HESX1: variants seen among roughly 807,000 people sequenced by gnomAD.
HESX1 encodes the protein HESX homeobox 1.
Under a neutral mutation model 22.5 loss-of-function variants are expected in HESX1, and 11 were observed. That is an observed-to-expected ratio of 0.49 (90% CI 0.31 to 0.81). The LOEUF (loss-of-function observed/expected upper bound fraction) is 0.81. HESX1 is among the 30% of genes least tolerant of loss of function. The pLI, the probability that HESX1 is intolerant of heterozygous loss-of-function variation, is 0.05. For synonymous variants in HESX1, 74 were observed against 76.5 expected, an observed-to-expected ratio of 0.97 and a Z score of 0.17; for missense variants, 201 against 212.6, an observed-to-expected ratio of 0.95 and a Z score of 0.34.
chr3:57,226,574 A>G (rs115889506), upstream of HESX1: 144 of 152,300 alleles, frequency 9.5e-4, 1 homozygote, highest in African/African-American at 3.3e-3. Flanking sequence ...TAAAAATATA[A>G]TTTTATTTTT....
intron 1 of HESX1, among the ~76,000 whole-genome samples, chr3:57,225,016 C>T (rs1363222047): frequency 6.6e-6 from 1 of 152,120 alleles, no homozygotes; most frequent in African/African-American, 2.4e-5. Context: ...GCCAGTAACC[C>T]CTAAGGCATT....
upstream of HESX1, among the ~76,000 whole-genome samples, chr3:57,227,128 G>A (rs1262457713): frequency 6.6e-6 from 1 of 152,150 alleles, no homozygotes; most frequent in Non-Finnish European, 1.5e-5. Flanking sequence ...AGTCCTGAAG[G>A]ACTGACCTCG....
chr3:57,215,315 C>T (rs2060576948), intron 1 of HESX1, among the ~76,000 whole-genome samples: 1 of 152,140 alleles, frequency 6.6e-6, no homozygotes. Context: ...CGAGAATTCT[C>T]AGTGGTGTCT....
rs1415704188 is a variant in HESX1 at position 57,198,885 on chromosome 3, C to T, written c.225G>A (p.Val75=). 2 of 1,613,972 alleles carry T rather than the reference C, an allele frequency of 1.2e-6. No individual in the cohort carries two copies. Among genetic ancestry groups the T allele is most frequent in the African/African-American group, 1.3e-5 (1 of 74,904 alleles). Residue 75 remains valine, a synonymous_variant, in exon 2 of 4, where the codon GTG becomes GTA. Coordinates refer to ENST00000295934, the MANE Select transcript of HESX1 (RefSeq NM_003865.3). The stretch of plus-strand genomic sequence containing the variant: ...CTCTTTCTTCTGGCATTGGGTGATC[C>T]ACCACGCTAGGGAATGAAATCCCAC... The part of the protein sequence containing the change: ...PPSGISFPSV[V]DHPMPEERAS...
chr3:57,217,311 T>C (rs1359005973), intron 1 of HESX1, among the ~76,000 whole-genome samples: 2 of 152,208 alleles, frequency 1.3e-5, no homozygotes, highest in Non-Finnish European at 2.9e-5. Context: ...TTTACTGAAA[T>C]CTGTGAGTTC....
chr3:57,209,312 C>T (rs1429240088), intron 1 of HESX1, among the ~76,000 whole-genome samples: 1 of 152,150 alleles, frequency 6.6e-6, no homozygotes, highest in Non-Finnish European at 1.5e-5. Flanking sequence ...AGAAGTTTTA[C>T]TGGATAGTGC....
At chr3:57,223,063 A>G (rs1051438675) in intron 1 of HESX1, among the ~76,000 whole-genome samples, 1 of 152,196 alleles carries the variant, frequency 6.6e-6, no homozygotes, top group Non-Finnish European at 1.5e-5. Context: ...GCTACTCTAA[A>G]AGCTCATTAA....
At chr3:57,213,614 ATGT>A in intron 1 of HESX1, among the ~76,000 whole-genome samples, 1 of 152,328 alleles carries the variant, frequency 6.6e-6, no homozygotes. Flanking sequence ...TGGGGGATAA[ATGT>A]TATGGTTTTA....
chr3:57,220,790 A>C (rs1013013074), intron 1 of HESX1, among the ~76,000 whole-genome samples: 4 of 152,108 alleles, frequency 2.6e-5, no homozygotes, highest in Non-Finnish European at 5.9e-5. Flanking sequence ...ACTTGTTTCA[A>C]ATTGCTGCCT....
At chr3:57,225,884 T>TTC (rs1553634706) in intron 1 of HESX1, among the ~76,000 whole-genome samples, 2 of 148,892 alleles carry the variant, frequency 1.3e-5, no homozygotes, top group Admixed American at 6.7e-5. Context: ...TTCTTTTCTT[T>TTC]TTTTTTTTTT....
At chr3:57,219,542 T>A (rs1284117625) in intron 1 of HESX1, among the ~76,000 whole-genome samples, 1 of 152,078 alleles carries the variant, frequency 6.6e-6, no homozygotes, top group East Asian at 1.9e-4. Flanking sequence ...TAATTTTTTG[T>A]ATTTTTAGTA....
intron 2 of HESX1, 112 bp downstream of exon 2, chr3:57,198,641 T>A: frequency 9.2e-7 from 1 of 1,089,258 alleles, no homozygotes; most frequent in Non-Finnish European, 1.4e-6. Flanking sequence ...GGTAGTCTAC[T>A]GTTTCATTAA....
At chr3:57,214,907 G>A (rs930846123) in intron 1 of HESX1, among the ~76,000 whole-genome samples, 1 of 152,104 alleles carries the variant, frequency 6.6e-6, no homozygotes, top group Non-Finnish European at 1.5e-5. Flanking sequence ...TATAGATGAA[G>A]GAGGGTTTAT....
intron 1 of HESX1, among the ~76,000 whole-genome samples, chr3:57,209,671 CAAAAA>C (rs71088042): frequency 1.2e-5 from 1 of 82,142 alleles, no homozygotes; most frequent in Non-Finnish European, 2.4e-5. Flanking sequence ...AGCTCCATCT[CAAAAA>C]AAAAAAAAAA....
intron 1 of HESX1, among the ~76,000 whole-genome samples, chr3:57,208,885 G>C (rs184997729): frequency 5.3e-4 from 81 of 151,842 alleles, no homozygotes; most frequent in Middle Eastern, 3.4e-3. Context: ...AGCTTGAACT[G>C]GGGAGGCGAA....
chr3:57,201,927 C>A (rs187874490), upstream of HESX1, among the ~76,000 whole-genome samples: 128 of 128,832 alleles, frequency 9.9e-4, no homozygotes, highest in African/African-American at 3.7e-3. Flanking sequence ...ATCTATCTAT[C>A]TATTTTTTTG....
chr3:57,198,697 A>G lies in HESX1; in HGVS notation c.357+56T>C, dbSNP rs1189481797. ...ACCAAAGTGAGTGGGCTTTTGCTCAACTTGGTGTCAATTAAAGCCTTTATA... is the reference window on the plus strand; with the variant it reads ...ACCAAAGTGAGTGGGCTTTTGCTCAGCTTGGTGTCAATTAAAGCCTTTATA... On this transcript the variant is annotated intron_variant, in intron 2 of 3. Coordinates refer to ENST00000295934, the MANE Select transcript of HESX1 (RefSeq NM_003865.3). The G allele has an allele frequency of 3.0e-5, 45 of 1,510,394 alleles. No homozygotes were observed. In the South Asian group the frequency reaches 4.8e-4, roughly 16 times the overall value. The allele number at this position is 1,510,394 out of a possible 1,614,324, so 93.6% of individuals were successfully genotyped here.
At chr3:57,218,301 T>C (rs2060594953) in intron 1 of HESX1, among the ~76,000 whole-genome samples, 1 of 152,110 alleles carries the variant, frequency 6.6e-6, no homozygotes, top group Non-Finnish European at 1.5e-5. Context: ...TGTTGCCTCT[T>C]TGTGTCTATG....
chr3:57,213,079 CAT>C (rs1294732316), intron 1 of HESX1, among the ~76,000 whole-genome samples: 2 of 152,138 alleles, frequency 1.3e-5, no homozygotes, highest in Non-Finnish European at 2.9e-5. Context: ...ACACCACAAA[CAT>C]GTATAGCTCT....
Sources: gnomAD v4.1 joint callset for allele counts (sites outside exome capture counted in the v4.1 genomes callset) on GRCh38, gnomAD v4.1.1 for gene constraint, MANE v1.5 for transcripts, NCBI Gene and HGNC (gene_info 2026-07-23, HGNC 2026-07-21) for gene names.